BTBD16: variants seen among roughly 807,000 people sequenced by gnomAD.
The protein encoded by BTBD16 is BTB domain containing 16.
BTBD16 carries 66 observed loss-of-function variants against 67.4 expected under a neutral mutation model. That is an observed-to-expected ratio of 0.98 (90% CI 0.80 to 1.20). The LOEUF (loss-of-function observed/expected upper bound fraction) is 1.20. Ranked by LOEUF, BTBD16 falls within the 50% of genes most tolerant of loss-of-function variation. The pLI, the probability that BTBD16 is intolerant of heterozygous loss-of-function variation, is 0.00. For missense variants in BTBD16, 634 were observed against 616.0 expected, an observed-to-expected ratio of 1.03 and a Z score of -0.31; for synonymous variants, 242 against 236.4, an observed-to-expected ratio of 1.02 and a Z score of -0.22.
At chr10:122,281,819 A>G (rs2096353822) in intron 3 of BTBD16, among the ~76,000 whole-genome samples, 1 of 152,204 alleles carries the variant, frequency 6.6e-6, no homozygotes, top group Non-Finnish European at 1.5e-5. Flanking sequence ...GGAAGTCCGT[A>G]TGTCCATGAG....
intron 7 of BTBD16, 50 bp from the exon 8 acceptor site, chr10:122,297,717 CT>C: frequency 6.3e-7 from 1 of 1,599,968 alleles, no homozygotes. Flanking sequence ...CTTTCCGCTT[CT>C]CCAAAAGCAG....
chr10:122,273,442 G>A (rs2096333657), intron 1 of BTBD16, among the ~76,000 whole-genome samples: 1 of 152,056 alleles, frequency 6.6e-6, no homozygotes, highest in African/African-American at 2.4e-5. Context: ...TGCATTCACT[G>A]TATGAAATAT....
chr10:122,329,942 C>T (rs1397684313), intron 11 of BTBD16, among the ~76,000 whole-genome samples: 2 of 152,146 alleles, frequency 1.3e-5, no homozygotes, highest in African/African-American at 4.8e-5. Flanking sequence ...TGAATTTGTG[C>T]TCCCTTAACC....
intron 3 of BTBD16, among the ~76,000 whole-genome samples, chr10:122,278,480 T>C (rs969602182): frequency 9.2e-5 from 14 of 152,214 alleles, no homozygotes; most frequent in Non-Finnish European, 1.5e-4. Context: ...CTTTGCACTG[T>C]TTCTGGCAAA....
intron 10 of BTBD16, among the ~76,000 whole-genome samples, chr10:122,317,881 C>CT (rs1019837271): frequency 1.1e-4 from 16 of 151,266 alleles, no homozygotes; most frequent in African/African-American, 3.4e-4. Flanking sequence ...AGGCTGTGAA[C>CT]TTTTTTTTTA....
At chr10:122,308,961 G>A (rs964515239) in intron 10 of BTBD16, among the ~76,000 whole-genome samples, 2 of 152,088 alleles carry the variant, frequency 1.3e-5, no homozygotes, top group Admixed American at 6.5e-5. Context: ...CGTGATGGGG[G>A]CCACCCACCA....
At chr10:122,273,496 T>A (rs898987837) in intron 1 of BTBD16, among the ~76,000 whole-genome samples, 1 of 152,142 alleles carries the variant, frequency 6.6e-6, no homozygotes, top group African/African-American at 2.4e-5. Flanking sequence ...TCCTGGCACT[T>A]TGGGAGGCCA....
At chr10:122,288,884 G>T (rs903071545) in intron 5 of BTBD16, among the ~76,000 whole-genome samples, 1 of 152,274 alleles carries the variant, frequency 6.6e-6, no homozygotes, top group South Asian at 2.1e-4. Context: ...AGAGCGGTGG[G>T]CAGGGGTTGC....
At chr10:122,285,976 G>T (rs1026886110) in intron 4 of BTBD16, 129 bp from the exon 5 acceptor site, 1 of 902,642 alleles carries the variant, frequency 1.1e-6, no homozygotes, top group Admixed American at 2.2e-5. Flanking sequence ...GAGATGCCTG[G>T]GGAGGCTGCT....
chr10:122,333,327 A>G (rs2096458095), intron 13 of BTBD16, among the ~76,000 whole-genome samples: 1 of 152,126 alleles, frequency 6.6e-6, no homozygotes, highest in Admixed American at 6.6e-5. Context: ...TTGAAACAAC[A>G]TGCTTTGTTT....
At chr10:122,301,420 C>T (rs1012927276) in intron 9 of BTBD16, among the ~76,000 whole-genome samples, 12 of 152,254 alleles carry the variant, frequency 7.9e-5, no homozygotes, top group East Asian at 5.8e-4. Context: ...CCTGCTCCTC[C>T]GGCCCCTCCC....
intron 5 of BTBD16, among the ~76,000 whole-genome samples, chr10:122,288,928 C>A (rs575406341): frequency 2.6e-5 from 4 of 152,148 alleles, no homozygotes; most frequent in Non-Finnish European, 4.4e-5. Flanking sequence ...CTAGTGGGGC[C>A]TTGGCTTTTG....
chr10:122,296,634 C>CTG (rs775676343), intron 7 of BTBD16, among the ~76,000 whole-genome samples: 19 of 152,234 alleles, frequency 1.2e-4, no homozygotes, highest in Non-Finnish European at 2.4e-4. Context: ...ACTGAAACAT[C>CTG]TGTGACCCTA....
intron 1 of BTBD16, among the ~76,000 whole-genome samples, chr10:122,274,084 G>C (rs2096335063): frequency 6.6e-6 from 1 of 152,226 alleles, no homozygotes. Context: ...AGGGAGGTCA[G>C]CTGAGGTTCT....
chr10:122,282,249 C>A (rs1008386407), intron 3 of BTBD16, among the ~76,000 whole-genome samples: 1 of 152,152 alleles, frequency 6.6e-6, no homozygotes, highest in African/African-American at 2.4e-5. Context: ...TGACTCTGGC[C>A]AGCTCTTTCC....
rs1406703550 is a variant in BTBD16 at position 122,276,940 on chromosome 10, G to T, written c.167+1G>T. ...AGGAAGCTTTGAGGAACCCAGACAG[G>T]TATGGAGACTCAAAGGTTTGTGGGA... On this transcript the variant is annotated splice_donor_variant, in intron 3 of 15. Transcript: ENST00000260723. LOFTEE classifies it high-confidence loss of function. 6.2e-7 allele frequency: 1 copy of T among 1,612,672 alleles called. No individual in the cohort carries two copies. Among genetic ancestry groups the T allele is most frequent in the African/African-American group, 1.3e-5 (1 of 74,894 alleles).
At chr10:122,294,188 G>T in intron 7 of BTBD16, 1 of 985,430 alleles carries the variant, frequency 1.0e-6, no homozygotes, top group Non-Finnish European at 1.2e-6. Flanking sequence ...CCTTTGAGAG[G>T]CTGATGGCGC....
chr10:122,332,650 T>C (rs759872350), intron 13 of BTBD16, 137 bp downstream of exon 13: 16 of 1,044,098 alleles, frequency 1.5e-5, no homozygotes, highest in Non-Finnish European at 2.2e-5. Context: ...CACAGGTGTC[T>C]CTCCTGCATG....
At chr10:122,328,942 G>A (rs1022629097) in intron 10 of BTBD16, 11 of 571,514 alleles carry the variant, frequency 1.9e-5, no homozygotes, top group Non-Finnish European at 2.2e-5. Context: ...CCACACAGCC[G>A]TTCTCTTCTT....
Sources: allele counts gnomAD v4.1 joint callset (sites outside exome capture counted in the v4.1 genomes callset), GRCh38; gene constraint gnomAD v4.1.1; transcripts MANE v1.5; gene names NCBI Gene and HGNC (gene_info 2026-07-23, HGNC 2026-07-21).